Variants in ARIH2 observed in about 807,000 individuals in gnomAD.
ARIH2 encodes ariadne RBR E3 ubiquitin protein ligase 2.
In ARIH2, 12 loss-of-function variants were observed where a neutral mutation model predicts 79.8. The ratio of observed to expected loss-of-function variants is 0.15; its 90% CI spans 0.10 to 0.24. The LOEUF is 0.24. ARIH2 is among the 10% of genes least tolerant of loss of function. The probability of loss-of-function intolerance (pLI) is 1.00; values close to 1 mark genes in which losing one functional copy is unlikely to be tolerated. For synonymous variants in ARIH2, 224 were observed against 213.9 expected, an observed-to-expected ratio of 1.05 and a Z score of -0.41; for missense variants, 301 against 618.3, an observed-to-expected ratio of 0.49 and a Z score of 5.44.
intron 5 of ARIH2, 127 bp from the exon 6 acceptor site, chr3:48,966,998 T>C: frequency 9.9e-7 from 1 of 1,006,500 alleles, no homozygotes; most frequent in Non-Finnish European, 1.5e-6. Flanking sequence ...AGTCCACACA[T>C]TGCAGTTGAG....
intron 11 of ARIH2, among the ~76,000 whole-genome samples, chr3:48,977,626 T>G (rs1347888787): frequency 1.3e-5 from 2 of 152,128 alleles, no homozygotes; most frequent in Non-Finnish European, 2.9e-5. Flanking sequence ...CCCAGCTAAT[T>G]TTTTGTATTT....
chr3:48,953,157 C>T (rs1208113047), intron 3 of ARIH2, among the ~76,000 whole-genome samples: 2 of 151,992 alleles, frequency 1.3e-5, no homozygotes, highest in Non-Finnish European at 2.9e-5. Context: ...CTCAAACTCC[C>T]GACCTCAGGT....
At chr3:48,919,461 C>T (rs755868325) in intron 1 of ARIH2, 1 of 267,798 alleles carries the variant, frequency 3.7e-6, no homozygotes, top group Non-Finnish European at 7.0e-6. Context: ...TGTGCGGCCC[C>T]GGAGCTGTGC....
At chr3:48,933,186 A>C (rs555446022) in intron 3 of ARIH2, among the ~76,000 whole-genome samples, 9 of 151,178 alleles carry the variant, frequency 6.0e-5, no homozygotes, top group African/African-American at 2.2e-4. Context: ...AAACAATCCT[A>C]CTTCAGCCTC....
rs201154437 is a variant in ARIH2, at chr3:48,918,860, C to T, written c.-300C>T. 2 of 1,610,790 alleles carry T rather than the reference C, an allele frequency of 1.2e-6. No individual in the cohort carries two copies. The highest frequency in any genetic ancestry group is 2.2e-5 in the East Asian group (1 of 44,840). ...CACTTCCGGAGCTGTGGGGACGACT[C>T]TTCTGGAGGAAGCAGCGCGGGCTTG... On this transcript the variant is annotated 5_prime_UTR_variant, in exon 1 of 16. Transcript: ENST00000356401.
chr3:48,978,440 T>G (rs2107676780), intron 11 of ARIH2, among the ~76,000 whole-genome samples: 1 of 116,850 alleles, frequency 8.6e-6, no homozygotes, highest in African/African-American at 3.2e-5. Context: ...TGTGTGTGTG[T>G]GTGTGTGTGT....
chr3:48,971,408 C>A lies in ARIH2; in HGVS notation c.770+704C>A, dbSNP rs145258438. On this transcript the variant is annotated intron_variant, in intron 8 of 15. Coordinates refer to ENST00000356401, the MANE Select transcript of ARIH2 (RefSeq NM_006321.4). ...TACAGGCATGTGCCACCATGCCCAGCTAATTTTTGTATTTTTAGTAGAGAC... is the reference window on the plus strand; with the variant it reads ...TACAGGCATGTGCCACCATGCCCAGATAATTTTTGTATTTTTAGTAGAGAC... Among the ~76,000 whole-genome samples, 1,156 of 152,292 alleles carry A rather than the reference C, an allele frequency of 7.6e-3. 10 individuals carry two copies. Among genetic ancestry groups the A allele is most frequent in the African/African-American group, 0.026 (1,101 of 41,554 alleles).
In ARIH2 at chr3:48,968,628, G is replaced by T. The variant is rs778037511; in HGVS notation, c.633G>T (p.Arg211Ser). Reference protein sequence around the residue: ...LPNEELREKYRRYLFRDYVES... With the variant: ...LPNEELREKYSRYLFRDYVES... ...ATGAAGAATTGAGAGAGAAATACAG[G>T]CGCTACCTCTTCAGGGACTATGTGG... The change falls in exon 7 of 16, where the codon AGG becomes AGT. Residue 211 changes from arginine to serine, a missense_variant. This residue lies in a region of ARIH2 where 223 missense variants were observed against 349.4 expected (regional missense o/e 0.64). Transcript: ENST00000356401. 6.2e-7 allele frequency: 1 copy of T among 1,611,072 alleles called. No individual in the cohort carries two copies. Among genetic ancestry groups the T allele is most frequent in the East Asian group, 2.2e-5 (1 of 44,758 alleles).
chr3:48,935,049 TATC>T (rs2086921561), intron 3 of ARIH2: 2 of 681,572 alleles, frequency 2.9e-6, no homozygotes, highest in Admixed American at 6.3e-5. Flanking sequence ...AAGAAAATAA[TATC>T]ATTCATGTTT....
chr3:48,933,140 G>A (rs1468537214), intron 3 of ARIH2, among the ~76,000 whole-genome samples: 1 of 152,146 alleles, frequency 6.6e-6, no homozygotes, highest in Non-Finnish European at 1.5e-5. Flanking sequence ...GCAGTGGCAC[G>A]ATGTTGGCTA....
At chr3:48,960,162 T>G (rs899104611) in intron 3 of ARIH2, among the ~76,000 whole-genome samples, 1 of 152,194 alleles carries the variant, frequency 6.6e-6, no homozygotes, top group Non-Finnish European at 1.5e-5. Context: ...ATCTAAGGCT[T>G]CCAAACACAT....
intron 3 of ARIH2, among the ~76,000 whole-genome samples, chr3:48,930,757 C>T (rs1395506158): frequency 6.6e-6 from 1 of 152,180 alleles, no homozygotes; most frequent in African/African-American, 2.4e-5. Context: ...GATAGTCACC[C>T]AGATCACTAC....
intron 3 of ARIH2, among the ~76,000 whole-genome samples, chr3:48,960,752 T>G (rs1171005861): frequency 6.7e-6 from 1 of 148,762 alleles, no homozygotes; most frequent in African/African-American, 2.5e-5. Flanking sequence ...TGACAAAGAC[T>G]GTCTCAAAAA....
chr3:48,983,447 G>A lies in ARIH2; in HGVS notation c.*177G>A. On this transcript the variant is annotated 3_prime_UTR_variant, in exon 16 of 16. Coordinates refer to ENST00000356401, the MANE Select transcript of ARIH2 (RefSeq NM_006321.4). ...CTGTTTTCTTCTCTTTTCACTTTTT[G>A]TTTCTACCAGGGTAGAGGCCATGTT... is the stretch of plus-strand genomic sequence containing the variant. 1.6e-6 allele frequency: 1 copy of A among 641,282 alleles called. No individual in the cohort carries two copies. The highest frequency in any genetic ancestry group is 2.7e-6 in the Non-Finnish European group (1 of 364,482). 39.7% of individuals were successfully genotyped at this position (641,282 alleles called of 1,614,324 possible).
At chr3:48,949,905 T>A (rs913212996) in intron 3 of ARIH2, among the ~76,000 whole-genome samples, 1 of 152,022 alleles carries the variant, frequency 6.6e-6, no homozygotes, top group Non-Finnish European at 1.5e-5. Context: ...GAGTAAAAGC[T>A]TAATTTTGAT....
At chr3:48,966,744 CAG>C (rs561764611) in intron 5 of ARIH2, among the ~76,000 whole-genome samples, 6 of 152,186 alleles carry the variant, frequency 3.9e-5, no homozygotes, top group Non-Finnish European at 5.9e-5. Context: ...CTGTGCTTAA[CAG>C]GGGTAGTCTA....
At chr3:48,973,849 C>A in intron 9 of ARIH2, 33 bp downstream of exon 9, 1 of 1,520,954 alleles carries the variant, frequency 6.6e-7, no homozygotes, top group Non-Finnish European at 9.1e-7. Flanking sequence ...CATGGATTTG[C>A]CCTCCTTAGT....
chr3:48,981,330 T>TC (rs2107701144), intron 13 of ARIH2, among the ~76,000 whole-genome samples: 1 of 148,070 alleles, frequency 6.8e-6, no homozygotes, highest in East Asian at 2.0e-4. Context: ...AAACCTTGTT[T>TC]CAAAAAAAAA....
At chr3:48,923,187 A>C (rs1377455135) in intron 2 of ARIH2, among the ~76,000 whole-genome samples, 1 of 151,938 alleles carries the variant, frequency 6.6e-6, no homozygotes, top group East Asian at 1.9e-4. Context: ...AGCCTGGGCG[A>C]CAGAGCGAGA....
Sources: allele counts gnomAD v4.1 joint callset (sites outside exome capture counted in the v4.1 genomes callset), GRCh38; gene constraint gnomAD v4.1.1; regional missense constraint gnomAD v4.1.1; transcripts MANE v1.5; gene names NCBI Gene and HGNC (gene_info 2026-07-23, HGNC 2026-07-21).